Variants in CDH22 observed in about 807,000 individuals in gnomAD.
The protein encoded by CDH22 is cadherin 22.
A neutral mutation model predicts 58.4 loss-of-function variants in CDH22; 30 were observed. That is an observed-to-expected ratio of 0.51 (90% CI 0.38 to 0.70). The LOEUF (loss-of-function observed/expected upper bound fraction) is 0.70, where lower values mean the gene tolerates loss of function less well. Among genes scored for constraint, CDH22 ranks in the 30% least tolerant of loss-of-function variants. The pLI is 0.00. For synonymous variants in CDH22, 513 were observed against 558.2 expected (o/e 0.92, Z 1.14); for missense variants, 1,014 against 1,233.9 (o/e 0.82, Z 2.67).
intron 1 of CDH22, among the ~76,000 whole-genome samples, chr20:46,263,463 G>A (rs917035248): frequency 6.6e-6 from 1 of 151,828 alleles, no homozygotes; most frequent in Non-Finnish European, 1.5e-5. Flanking sequence ...AAGCAGGGGA[G>A]ATACATTTAC....
chr20:46,296,119 G>T (rs1291224331), intron 1 of CDH22, among the ~76,000 whole-genome samples: 5 of 152,092 alleles, frequency 3.3e-5, no homozygotes, highest in Non-Finnish European at 7.3e-5. Flanking sequence ...GAAACTCCTG[G>T]GCCCTCTTTT....
Position 46,225,665 on chromosome 20 carries a change from A to T in CDH22, c.670+1843T>A, listed in dbSNP as rs150913298. Among the ~76,000 whole-genome samples, 3 of 152,250 alleles carry T rather than the reference A, an allele frequency of 2.0e-5. No homozygotes were observed. The South Asian group carries it at 6.2e-4, about 32-fold the overall frequency. On this transcript the variant is annotated intron_variant, in intron 4 of 11. Transcript: ENST00000537909. Reference sequence around the variant, plus strand: ...GACTTTTTGAATTTTGAACCTTGAGATGTATTATCTATTAAATGTGAGTTA... The same window carrying T: ...GACTTTTTGAATTTTGAACCTTGAGTTGTATTATCTATTAAATGTGAGTTA...
chr20:46,283,098 C>T (rs764601297), intron 1 of CDH22, among the ~76,000 whole-genome samples: 3 of 152,222 alleles, frequency 2.0e-5, no homozygotes, highest in Non-Finnish European at 4.4e-5. Context: ...GCATGCAGTA[C>T]GGCATGGGGT....
chr20:46,188,288 C>T (rs910254762), intron 8 of CDH22, among the ~76,000 whole-genome samples: 9 of 152,126 alleles, frequency 5.9e-5, no homozygotes, highest in Non-Finnish European at 1.0e-4. Context: ...ATGAGCAGTG[C>T]TGGGTAGTTC....
At chr20:46,181,752 C>CTTCGTTCCTTCCTTCT in intron 10 of CDH22, among the ~76,000 whole-genome samples, 6 of 26,260 alleles carry the variant, frequency 2.3e-4, no homozygotes, top group African/African-American at 6.4e-4. Context: ...TCCTTCCTTC[C>CTTCGTTCCTTCCTTCT]TTCTTTCTTT....
At chr20:46,186,019 T>A (rs1005653590) in intron 10 of CDH22, among the ~76,000 whole-genome samples, 5 of 151,656 alleles carry the variant, frequency 3.3e-5, no homozygotes, top group Non-Finnish European at 5.9e-5. Flanking sequence ...TCAAGACTAG[T>A]CTGGGCAATA....
chr20:46,267,940 G>A (rs886858653), intron 1 of CDH22, among the ~76,000 whole-genome samples: 35 of 152,250 alleles, frequency 2.3e-4, no homozygotes, highest in African/African-American at 7.7e-4. Flanking sequence ...GGAGGGAGAA[G>A]TTGAACTGTG....
chr20:46,237,528 C>T (rs2086261949), intron 3 of CDH22, among the ~76,000 whole-genome samples: 2 of 152,182 alleles, frequency 1.3e-5, no homozygotes, highest in Non-Finnish European at 2.9e-5. Context: ...TCTGCAAGCA[C>T]CATGGTGTCA....
At chr20:46,201,156 G>C (rs540933550) in intron 7 of CDH22, among the ~76,000 whole-genome samples, 1 of 152,358 alleles carries the variant, frequency 6.6e-6, no homozygotes, top group Admixed American at 6.5e-5. Flanking sequence ...TGGGGGCGCC[G>C]CGAGGCTGCG....
chr20:46,196,750 TA>T (rs2085906480), intron 8 of CDH22, among the ~76,000 whole-genome samples: 1 of 152,054 alleles, frequency 6.6e-6, no homozygotes, highest in Admixed American at 6.5e-5. Context: ...GGACACCCCT[TA>T]GGGGTGAAGA....
At chr20:46,236,086 T>A (rs2086249403) in intron 3 of CDH22, among the ~76,000 whole-genome samples, 2 of 152,176 alleles carry the variant, frequency 1.3e-5, no homozygotes, top group South Asian at 4.1e-4. Flanking sequence ...TCAGGACCCT[T>A]GCATTTGCTG....
intron 1 of CDH22, among the ~76,000 whole-genome samples, chr20:46,258,476 T>C (rs1226099881): frequency 6.6e-6 from 1 of 152,124 alleles, no homozygotes; most frequent in African/African-American, 2.4e-5. Flanking sequence ...GCCAGACTCA[T>C]CCCCATGTGC....
intron 8 of CDH22, among the ~76,000 whole-genome samples, chr20:46,192,864 G>T (rs1369252911): frequency 1.3e-5 from 2 of 152,036 alleles, no homozygotes; most frequent in Non-Finnish European, 1.5e-5. Context: ...AGGGAAGGGG[G>T]TGTCAGGGTA....
At chr20:46,243,604 C>T (rs2145729170) in intron 2 of CDH22, among the ~76,000 whole-genome samples, 2 of 152,294 alleles carry the variant, frequency 1.3e-5, no homozygotes, top group East Asian at 3.9e-4. Context: ...GAATCATTGG[C>T]AGTGCTGAGG....
chr20:46,180,926 TTGTGTGTGTG>T (rs11471209), intron 10 of CDH22, among the ~76,000 whole-genome samples: 7 of 142,490 alleles, frequency 4.9e-5, no homozygotes, highest in Non-Finnish European at 7.6e-5. Flanking sequence ...AAAGTTTGTT[TTGTGTGTGTG>T]TGTGTGTGTG....
Position 46,210,432 on chromosome 20 carries a change from G to A in CDH22, c.1161C>T (p.Asp387=). 1 of 1,454,790 alleles carries A rather than the reference G, an allele frequency of 6.9e-7. No individual in the cohort carries two copies. 90.1% of individuals were successfully genotyped at this position (1,454,790 alleles called of 1,614,324 possible). Residue 387 remains aspartate, a synonymous_variant, in exon 7 of 12, where the codon GAC becomes GAT. Transcript: ENST00000537909. This position sits in a 1 kb window ranked among gnomAD's most constrained non-coding sequence, Gnocchi z 4.5. ...DQAIVRVAVT[D]VDEPPEFRPP... is the part of the protein sequence containing the mutation. The stretch of plus-strand genomic sequence containing the variant: ...GCCGGAACTCGGGGGGCTCGTCCAC[G>A]TCGGTCACGGCCACGCGCACGATCG...
chr20:46,232,674 T>G (rs547768578), intron 3 of CDH22, among the ~76,000 whole-genome samples: 2 of 152,320 alleles, frequency 1.3e-5, no homozygotes, highest in African/African-American at 4.8e-5. Flanking sequence ...CAGAATGCTT[T>G]CTATTAAAAA....
intron 1 of CDH22, among the ~76,000 whole-genome samples, chr20:46,305,399 G>T (rs1372814028): frequency 6.6e-6 from 1 of 152,212 alleles, no homozygotes; most frequent in Non-Finnish European, 1.5e-5. Context: ...CTTGCGGGGG[G>T]CATGAGGCTT....
chr20:46,216,827 C>T lies in CDH22; in HGVS notation c.837G>A (p.Gln279=). 6.3e-7 allele frequency: 1 copy of T among 1,595,272 alleles called. No individual in the cohort carries two copies. The highest frequency in any genetic ancestry group is 1.3e-5 in the African/African-American group (1 of 74,674). ...TTCCTCTGGGAAGGCCTCACTCACT[C>T]TGCGGGAAACGGGGCGGGTTGTCAT... The part of the protein sequence containing the change: ...DVNDNPPRFP[Q]KMYQFSIQES... Residue 279 remains glutamine, a splice_region_variant and synonymous_variant, in exon 5 of 12, where the codon CAG becomes CAA. Transcript: ENST00000537909. The surrounding 1 kb of genome is among the most constrained non-coding windows in gnomAD (Gnocchi z 5.3).
Sources: allele counts gnomAD v4.1 joint callset (sites outside exome capture counted in the v4.1 genomes callset), GRCh38; gene constraint gnomAD v4.1.1; non-coding constraint Gnocchi (gnomAD v3.1); transcripts MANE v1.5; gene names NCBI Gene and HGNC (gene_info 2026-07-23, HGNC 2026-07-21).